The following CD83 variants were observed in gnomAD, a reference collection of about 807,000 sequenced individuals.
The protein encoded by CD83 is CD83 antigen.
A neutral mutation model predicts 24.6 loss-of-function variants in CD83; 22 were observed. The observed-to-expected ratio is 0.90, with a 90% CI of 0.64 to 1.28. The LOEUF (loss-of-function observed/expected upper bound fraction) is 1.28, where lower values mean the gene tolerates loss of function less well. CD83 is among the 50% of genes most tolerant of loss of function. The pLI is 0.00. For synonymous variants in CD83, 101 were observed against 103.5 expected, an observed-to-expected ratio of 0.98 and a Z score of 0.14; for missense variants, 253 against 252.8, an observed-to-expected ratio of 1.00 and a Z score of -0.01.
upstream of CD83, chr6:14,117,703 C>G: frequency 1.3e-6 from 1 of 771,390 alleles, no homozygotes; most frequent in Non-Finnish European, 1.9e-6. The surrounding 1 kb of genome is among the most constrained non-coding windows in gnomAD (Gnocchi z 4.6). Flanking sequence ...GCCGGGGAAT[C>G]CCCCGGGCTG....
Position 14,131,752 on chromosome 6 carries a change from A to T in CD83, c.382+4A>T. On this transcript the variant is annotated splice_donor_region_variant and intron_variant, in intron 3 of 4. Coordinates refer to ENST00000379153, the MANE Select transcript of CD83 (RefSeq NM_004233.4). ...AAGGTGATCTTGAGAGTGACAGGTG[A>T]GGTGACCTGCTGCACTTGTTTTCTT... 3 of 1,590,274 alleles carry T rather than the reference A, an allele frequency of 1.9e-6. No homozygotes were observed. Among genetic ancestry groups the T allele is most frequent in the Non-Finnish European group, 2.6e-6 (3 of 1,158,402 alleles).
intron 3 of CD83, among the ~76,000 whole-genome samples, chr6:14,133,201 A>G (rs1757962384): frequency 1.3e-5 from 2 of 152,248 alleles, no homozygotes; most frequent in African/African-American, 4.8e-5. Context: ...TCTACCCAAC[A>G]GTGATGAAGT....
In CD83 at chr6:14,117,879, C is replaced by A; in HGVS notation, c.37+31C>A. 6.3e-7 allele frequency: 1 copy of A among 1,574,874 alleles called. No homozygotes were observed. The highest frequency in any genetic ancestry group is 1.1e-5 in the South Asian group (1 of 87,624). On this transcript the variant is annotated intron_variant, in intron 1 of 4. Coordinates refer to ENST00000379153, the MANE Select transcript of CD83 (RefSeq NM_004233.4). This position sits in a 1 kb window ranked among gnomAD's most constrained non-coding sequence, Gnocchi z 4.6. The stretch of plus-strand genomic sequence containing the variant: ...GCTCGCGAGCGCCTGTCTCGCCTGT[C>A]GCCCCCCGCCCCTCCACGACACCCC...
rs1561827255 is a variant in CD83, at chr6:14,118,022, C to T, written c.110C>T (p.Ala37Val). 6.2e-7 allele frequency: 1 copy of T among 1,610,534 alleles called. No individual in the cohort carries two copies. ...CSEDVDLPCTAPWDPQVPYTV... is the reference protein window; with the variant it reads ...CSEDVDLPCTVPWDPQVPYTV... The stretch of plus-strand genomic sequence containing the variant: ...GAAGATGTGGACTTGCCCTGCACCG[C>T]CCCCTGGGATCCGCAGGTTCCCTAC... Residue 37 changes from alanine (A) to valine (V), a missense_variant, in exon 2 of 5, where the codon GCC becomes GTC. Physicochemically the swap from Ala to Val is moderately conservative, Grantham distance 64. Coordinates refer to ENST00000379153, the MANE Select transcript of CD83 (RefSeq NM_004233.4).
At position 14,117,960 on chromosome 6, in the gene CD83, G is replaced by A. The variant is rs1174180850; in HGVS notation, c.48G>A (p.Leu16=). 1.9e-6 allele frequency: 3 copies of A among 1,608,698 alleles called. No homozygotes were observed. The highest frequency in any genetic ancestry group is 2.5e-6 in the Non-Finnish European group (3 of 1,178,848). The change falls in exon 2 of 5, where the codon CTG becomes CTA. Residue 16 remains leucine (L), a synonymous_variant. Transcript: ENST00000379153. The surrounding 1 kb of genome is among the most constrained non-coding windows in gnomAD (Gnocchi z 4.6). The part of the protein sequence containing the change: ...QLLLLSCAYS[L]APATPEVKVA... ...CTCTCTTTCTTGTAGCCTACAGCCT[G>A]GCTCCCGCGACGCCGGAGGTGAAGG...
Position 14,131,754 on chromosome 6 carries a change from G to A in CD83, c.382+6G>A, listed in dbSNP as rs184902609. ...GGTGATCTTGAGAGTGACAGGTGAGGTGACCTGCTGCACTTGTTTTCTTCT... is the reference window on the plus strand; with the variant it reads ...GGTGATCTTGAGAGTGACAGGTGAGATGACCTGCTGCACTTGTTTTCTTCT... On this transcript the variant is annotated splice_donor_region_variant and intron_variant, in intron 3 of 4. Coordinates refer to ENST00000379153, the MANE Select transcript of CD83 (RefSeq NM_004233.4). 292 of 1,577,532 alleles carry A rather than the reference G, an allele frequency of 1.9e-4. 1 individual carries two copies. In the African/African-American group the frequency reaches 2.2e-3, roughly 12 times the overall value.
In CD83 at chr6:14,133,705, C is replaced by T; in HGVS notation, c.439C>T (p.Leu147=). 6.2e-7 allele frequency: 1 copy of T among 1,613,886 alleles called. No homozygotes were observed. Among genetic ancestry groups the T allele is most frequent in the Non-Finnish European group, 8.5e-7 (1 of 1,179,772 alleles). The stretch of plus-strand genomic sequence containing the variant: ...TAAGAAATACAGAGCGGAGATTGTC[C>T]TGCTGCTGGCTCTGGTTATTTTCTA... ...TFKKYRAEIV[L]LLALVIFYLT... The change falls in exon 4 of 5, where the codon CTG becomes TTG. Residue 147 remains leucine, a synonymous_variant. Coordinates refer to ENST00000379153, the MANE Select transcript of CD83 (RefSeq NM_004233.4).
chr6:14,131,770 G>C, intron 3 of CD83, 22 bp downstream of exon 3: 1 of 1,524,094 alleles, frequency 6.6e-7, no homozygotes, highest in Non-Finnish European at 9.1e-7. Flanking sequence ...TGCTGCACTT[G>C]TTTTCTTCTT....
chr6:14,123,047 C>T (rs1407530842), intron 2 of CD83, among the ~76,000 whole-genome samples: 3 of 151,918 alleles, frequency 2.0e-5, no homozygotes, highest in Non-Finnish European at 4.4e-5. Flanking sequence ...TGACCTTTAT[C>T]CTTTTGGCAG....
chr6:14,135,155 C>T lies in CD83; in HGVS notation c.537C>T (p.Gly179=), dbSNP rs1561833639. ...QSIFPDFSKA[G]MERAFLPVTS... ...TCTTCCCAGATTTTTCTAAAGCTGG[C>T]ATGGAACGAGCTTTTCTCCCAGTTA... The change falls in exon 5 of 5, where the codon GGC becomes GGT. Residue 179 remains glycine, a synonymous_variant. Transcript: ENST00000379153. The T allele has an allele frequency of 5.6e-6, 9 of 1,613,848 alleles. No homozygotes were observed. The East Asian group carries it at 1.8e-4, about 32-fold the overall frequency.
rs1758023215 is a variant in CD83 at position 14,135,308 on chromosome 6, A to G, written c.*72A>G. 1 of 1,515,442 alleles carries G rather than the reference A, an allele frequency of 6.6e-7. No individual in the cohort carries two copies. The highest frequency in any genetic ancestry group is 1.9e-5 in the Admixed American group (1 of 52,910). The allele number at this position is 1,515,442 out of a possible 1,614,324, so 93.9% of individuals were successfully genotyped here. On this transcript the variant is annotated 3_prime_UTR_variant, in exon 5 of 5. Coordinates refer to ENST00000379153, the MANE Select transcript of CD83 (RefSeq NM_004233.4). ...GTGCCTGTCTGTTACACTGGAGGAGAGAAGAATGAGCCTACGCTGAAGATG... is the reference window on the plus strand; with the variant it reads ...GTGCCTGTCTGTTACACTGGAGGAGGGAAGAATGAGCCTACGCTGAAGATG...
Position 14,135,506 on chromosome 6 carries a change from A to AT in CD83, c.*276dup, listed in dbSNP as rs1189441703. The AT allele has an allele frequency of 1.1e-5, 4 of 373,726 alleles. No homozygotes were observed. Among genetic ancestry groups the AT allele is most frequent in the Middle Eastern group, 7.0e-4 (1 of 1,420 alleles). 23.2% of individuals were successfully genotyped at this position (373,726 alleles called of 1,614,324 possible). ...CAGCTATCTGGTCAACCTCCTGGAC[A>AT]TTTTTTCAGTCATATAAAAGCTATG... On this transcript the variant is annotated 3_prime_UTR_variant, in exon 5 of 5. Transcript: ENST00000379153.
chr6:14,131,678 A>C lies in CD83; in HGVS notation c.312A>C (p.Thr104=), dbSNP rs1369672883. The change falls in exon 3 of 5, where the codon ACA becomes ACC. Residue 104 remains threonine (T), a synonymous_variant. Coordinates refer to ENST00000379153, the MANE Select transcript of CD83 (RefSeq NM_004233.4). ...ACACTACCAGCTGCAACTCGGGGAC[A>C]TACAGGTGCACTCTGCAGGACCCGG... ...IRNTTSCNSG[T]YRCTLQDPDG... 1.9e-6 allele frequency: 3 copies of C among 1,614,092 alleles called. No individual in the cohort carries two copies. The highest frequency in any genetic ancestry group is 2.5e-6 in the Non-Finnish European group (3 of 1,180,036).
At chr6:14,120,386 C>T (rs1409578091) in intron 2 of CD83, among the ~76,000 whole-genome samples, 1 of 152,162 alleles carries the variant, frequency 6.6e-6, no homozygotes, top group Admixed American at 6.5e-5. Context: ...TGCCAAAATA[C>T]TTCATTTTAC....
At position 14,131,573 on chromosome 6, in the gene CD83, G is replaced by A. The variant is rs7743206; in HGVS notation, c.207G>A (p.Arg69=). Residue 69 remains arginine, a synonymous_variant, in exon 3 of 5, where the codon AGG becomes AGA. Coordinates refer to ENST00000379153, the MANE Select transcript of CD83 (RefSeq NM_004233.4). ...RMETPQEDHL[R]GQHYHQKGQN... ...AGACACCCCAGGAAGACCACCTCAG[G>A]GGACAGCACTATCATCAGAAGGGGC... 215,063 of 1,613,856 alleles carry A rather than the reference G, an allele frequency of 0.13. 14,938 individuals carry two copies. The highest frequency in any genetic ancestry group is 0.15 in the East Asian group (6,606 of 44,876).
chr6:14,122,612 A>T (rs1207896240), intron 2 of CD83, among the ~76,000 whole-genome samples: 1 of 152,186 alleles, frequency 6.6e-6, no homozygotes. Flanking sequence ...GAACCATTGA[A>T]TTATGAAAAC....
intron 4 of CD83, 27 bp from the exon 5 acceptor site, chr6:14,135,081 C>T (rs757661913): frequency 1.9e-6 from 3 of 1,611,968 alleles, no homozygotes; most frequent in Admixed American, 1.7e-5. Context: ...CAATTATTCA[C>T]TTCACATTTC....
intron 2 of CD83, among the ~76,000 whole-genome samples, chr6:14,130,334 T>C (rs551098978): frequency 1.8e-4 from 28 of 152,334 alleles, no homozygotes; most frequent in African/African-American, 6.3e-4. Context: ...ATTAAAAATA[T>C]GTCTAGGAAA....
At chr6:14,131,451 ATG>A in intron 2 of CD83, 67 bp from the exon 3 acceptor site, 1 of 1,160,082 alleles carries the variant, frequency 8.6e-7, no homozygotes, top group African/African-American at 1.5e-5. Context: ...TGAAAACAAA[ATG>A]GAAACATTGG....
Sources: gnomAD v4.1 joint callset for allele counts (sites outside exome capture counted in the v4.1 genomes callset) on GRCh38, gnomAD v4.1.1 for gene constraint, Gnocchi (gnomAD v3.1) non-coding constraint, MANE v1.5 for transcripts, NCBI Gene and HGNC (gene_info 2026-07-23, HGNC 2026-07-21) for gene names.